Variants in ATP9A observed in about 807,000 individuals in gnomAD.
The protein encoded by ATP9A is ATPase phospholipid transporting 9A, also known as probable phospholipid-transporting ATPase IIA.
Under a neutral mutation model 144.1 loss-of-function variants are expected in ATP9A, and 52 were observed. The observed-to-expected ratio is 0.36, with a 90% CI of 0.29 to 0.45. The LOEUF is 0.45. ATP9A is among the 20% of genes least tolerant of loss of function. ATP9A has a pLI of 1.00. For synonymous variants in ATP9A, 582 were observed against 557.4 expected, an observed-to-expected ratio of 1.04 and a Z score of -0.62; for missense variants, 947 against 1,392.7, an observed-to-expected ratio of 0.68 and a Z score of 5.09.
chr20:51,671,023 A>T (rs2077453444), intron 12 of ATP9A, 92 bp downstream of exon 12: 1 of 1,412,130 alleles, frequency 7.1e-7, no homozygotes, highest in Non-Finnish European at 9.9e-7. Context: ...CGCATCTCTC[A>T]TATGTCCAGA....
rs1040556816 is a variant in ATP9A at position 51,729,939 on chromosome 20, G to C, written c.108C>G (p.Ala36=). The C allele has an allele frequency of 1.9e-6, 3 of 1,580,698 alleles. No individual in the cohort carries two copies. The African/African-American group carries it at 4.1e-5, about 22-fold the overall frequency. ...GCCCCAGCCAGACAGTGCGGGGCCT[G>C]GCCTCCCCTCCACCGCAGCATCTCA... The part of the protein sequence containing the change: ...EWLRCCGGGE[A]RPRTVWLGHP... Residue 36 remains alanine, a synonymous_variant, in exon 2 of 28, where the codon GCC becomes GCG. Coordinates refer to ENST00000338821, the MANE Select transcript of ATP9A (RefSeq NM_006045.3).
intron 1 of ATP9A, among the ~76,000 whole-genome samples, chr20:51,742,984 C>G (rs2077791537): frequency 6.6e-6 from 1 of 152,170 alleles, no homozygotes; most frequent in Non-Finnish European, 1.5e-5. Context: ...ACTGCAGCAC[C>G]CAGAACCATT....
At chr20:51,726,069 T>C in intron 2 of ATP9A, 137 bp from the exon 3 acceptor site, 1 of 629,974 alleles carries the variant, frequency 1.6e-6, no homozygotes, top group Non-Finnish European at 2.8e-6. Context: ...ATCCCAGAAC[T>C]TTGGGAGGCC....
intron 3 of ATP9A, among the ~76,000 whole-genome samples, chr20:51,723,094 T>C (rs932050559): frequency 6.6e-6 from 1 of 152,136 alleles, no homozygotes; most frequent in African/African-American, 2.4e-5. Flanking sequence ...ATTAACAGCA[T>C]TTGCAGTGAC....
chr20:51,694,759 A>G (rs768190051), intron 6 of ATP9A, among the ~76,000 whole-genome samples: 18 of 152,218 alleles, frequency 1.2e-4, no homozygotes, highest in Non-Finnish European at 2.1e-4. Flanking sequence ...CCGTGCAAGT[A>G]GTCAGCTGTA....
At chr20:51,689,163 C>G (rs760748613) in intron 8 of ATP9A, 24 bp from the exon 9 acceptor site, 5 of 1,610,788 alleles carry the variant, frequency 3.1e-6, no homozygotes, top group Middle Eastern at 1.7e-4. Flanking sequence ...AACGGACACA[C>G]GTTCACCCCC....
intron 25 of ATP9A, among the ~76,000 whole-genome samples, chr20:51,608,017 G>A (rs530862618): frequency 1.4e-5 from 2 of 147,902 alleles, no homozygotes; most frequent in East Asian, 4.0e-4. Flanking sequence ...ACACTCCAGC[G>A]TGGGTGACAA....
At chr20:51,652,923 A>G (rs2077372611) in intron 14 of ATP9A, among the ~76,000 whole-genome samples, 1 of 152,080 alleles carries the variant, frequency 6.6e-6, no homozygotes, top group Non-Finnish European at 1.5e-5. Flanking sequence ...CCTGGCTAAC[A>G]CGGTGAAACC....
Position 51,717,810 on chromosome 20 carries a change from C to T in ATP9A, c.328-4736G>A, listed in dbSNP as rs541820229. Among the ~76,000 whole-genome samples the T allele has an allele frequency of 6.3e-4, 96 of 152,012 alleles. No homozygotes were observed. In the Middle Eastern group the frequency reaches 0.014, roughly 22 times the overall value. On this transcript the variant is annotated intron_variant, in intron 3 of 27. Transcript: ENST00000338821. ...ATCCACTAAAAATACAAAACTTAGC[C>T]GAGCATGGTGGCGCATGCCTGTAAT...
chr20:51,757,298 G>C (rs1345673692), intron 1 of ATP9A, among the ~76,000 whole-genome samples: 2 of 152,162 alleles, frequency 1.3e-5, no homozygotes, highest in Non-Finnish European at 2.9e-5. Flanking sequence ...GATTACAAGT[G>C]TGAGCCACCA....
At chr20:51,622,720 T>C (rs1246542711) in intron 18 of ATP9A, among the ~76,000 whole-genome samples, 1 of 152,192 alleles carries the variant, frequency 6.6e-6, no homozygotes, top group Non-Finnish European at 1.5e-5. Context: ...AGAGGGTAGA[T>C]GACTTGCCCC....
chr20:51,689,128 G>A lies in ATP9A; in HGVS notation c.735C>T (p.Asp245=). Reference sequence around the variant, plus strand: ...TGCTCAGGCTCTCGCTGATCGGGGGGTCGCTGTCTTCCTGGAAAAGACCAA... The same window carrying A: ...TGCTCAGGCTCTCGCTGATCGGGGGATCGCTGTCTTCCTGGAAAAGACCAA... ...FVGTFTREDS[D]PPISESLSIE... is the part of the protein sequence containing the mutation. The change falls in exon 9 of 28, where the codon GAC becomes GAT. Residue 245 remains aspartate (D), a synonymous_variant. Coordinates refer to ENST00000338821, the MANE Select transcript of ATP9A (RefSeq NM_006045.3). 2 of 1,613,966 alleles carry A rather than the reference G, an allele frequency of 1.2e-6. No homozygotes were observed. Among genetic ancestry groups the A allele is most frequent in the South Asian group, 1.1e-5 (1 of 91,054 alleles).
intron 9 of ATP9A, among the ~76,000 whole-genome samples, chr20:51,687,116 A>G (rs2077526527): frequency 6.6e-6 from 1 of 152,112 alleles, no homozygotes; most frequent in Non-Finnish European, 1.5e-5. Flanking sequence ...GCAAGAAAAA[A>G]TTGGTTCAGG....
At chr20:51,754,650 C>T (rs1164127183) in intron 1 of ATP9A, among the ~76,000 whole-genome samples, 1 of 149,020 alleles carries the variant, frequency 6.7e-6, no homozygotes, top group Non-Finnish European at 1.5e-5. Flanking sequence ...CCTGTGTCTA[C>T]TAAAAATACA....
intron 14 of ATP9A, among the ~76,000 whole-genome samples, chr20:51,648,790 CCACTGTAT>C (rs1266341621): frequency 2.0e-5 from 3 of 152,116 alleles, no homozygotes; most frequent in African/African-American, 7.2e-5. Flanking sequence ...CAAGACTGCA[CCACTGTAT>C]TCCAGCCTGG....
At chr20:51,697,852 C>G (rs914551293) in intron 4 of ATP9A, among the ~76,000 whole-genome samples, 2 of 152,160 alleles carry the variant, frequency 1.3e-5, no homozygotes, top group African/African-American at 4.8e-5. Flanking sequence ...TCTTAATTTT[C>G]AACACCACCA....
At chr20:51,681,712 G>A (rs762896132) in intron 9 of ATP9A, among the ~76,000 whole-genome samples, 1 of 152,040 alleles carries the variant, frequency 6.6e-6, no homozygotes, top group African/African-American at 2.4e-5. Context: ...GTGAGCCACC[G>A]CGCCCAGCCT....
intron 3 of ATP9A, among the ~76,000 whole-genome samples, chr20:51,722,955 C>T (rs1163217483): frequency 3.3e-5 from 5 of 152,150 alleles, no homozygotes; most frequent in African/African-American, 9.7e-5. Flanking sequence ...GGATTACAGA[C>T]GCCCGCCACC....
At chr20:51,603,567 G>A (rs1313096584) in intron 27 of ATP9A, among the ~76,000 whole-genome samples, 1 of 152,098 alleles carries the variant, frequency 6.6e-6, no homozygotes, top group African/African-American at 2.4e-5. Context: ...CAATCAATTG[G>A]GAAGAAATTA....
Sources: gnomAD v4.1 joint callset for allele counts (sites outside exome capture counted in the v4.1 genomes callset) on GRCh38, gnomAD v4.1.1 for gene constraint, MANE v1.5 for transcripts, NCBI Gene and HGNC (gene_info 2026-07-23, HGNC 2026-07-21) for gene names.